The following CLSTN2 variants were observed in gnomAD, a reference collection of about 807,000 sequenced individuals.
The protein encoded by CLSTN2 is calsyntenin 2.
A neutral mutation model predicts 101.2 loss-of-function variants in CLSTN2; 48 were observed. The ratio of observed to expected loss-of-function variants is 0.47; its 90% CI spans 0.38 to 0.60. CLSTN2 has a LOEUF of 0.60. CLSTN2 is among the 20% of genes least tolerant of loss of function. The pLI is 0.00. For synonymous variants in CLSTN2, 481 were observed against 463.6 expected (o/e 1.04, Z -0.48); for missense variants, 1,160 against 1,238.2 (o/e 0.94, Z 0.95).
At chr3:140,267,704 T>C (rs1702436187) in intron 2 of CLSTN2, among the ~76,000 whole-genome samples, 1 of 152,086 alleles carries the variant, frequency 6.6e-6, no homozygotes, top group African/African-American at 2.4e-5. Flanking sequence ...TCTTTGAAAA[T>C]ACAAGGGGAA....
chr3:140,491,608 G>A (rs1934354003), intron 8 of CLSTN2, among the ~76,000 whole-genome samples: 1 of 152,204 alleles, frequency 6.6e-6, no homozygotes, highest in Admixed American at 6.5e-5. Flanking sequence ...GATTGCTTGA[G>A]TCCAGAAGTT....
At chr3:140,459,489 CCTGTTAT>C in intron 6 of CLSTN2, 25 bp from the exon 7 acceptor site, 1 of 1,610,878 alleles carries the variant, frequency 6.2e-7, no homozygotes, top group East Asian at 2.2e-5. Context: ...CGCATCATGA[CCTGTTAT>C]CCTTTCTTTC....
chr3:140,366,186 T>C (rs2087786834), intron 2 of CLSTN2, among the ~76,000 whole-genome samples: 1 of 152,192 alleles, frequency 6.6e-6, no homozygotes, highest in Admixed American at 6.5e-5. Flanking sequence ...GACAGTGTCC[T>C]TATCACCCCT....
intron 1 of CLSTN2, among the ~76,000 whole-genome samples, chr3:140,002,731 A>C (rs1177666561): frequency 6.6e-6 from 1 of 152,152 alleles, no homozygotes; most frequent in Non-Finnish European, 1.5e-5. Flanking sequence ...TTTTGATTTG[A>C]TTTTTGTATA....
chr3:140,467,988 G>A (rs1388087505), intron 8 of CLSTN2, among the ~76,000 whole-genome samples: 1 of 152,202 alleles, frequency 6.6e-6, no homozygotes, highest in African/African-American at 2.4e-5. Flanking sequence ...ACAAGATTAA[G>A]GATGCCAAGC....
chr3:140,236,548 C>A (rs909146716), intron 2 of CLSTN2, among the ~76,000 whole-genome samples: 2 of 152,140 alleles, frequency 1.3e-5, no homozygotes, highest in Admixed American at 6.5e-5. Context: ...ATAATTATTT[C>A]TTCAAGTGCT....
chr3:140,034,623 C>T (rs1180238381), intron 1 of CLSTN2, among the ~76,000 whole-genome samples: 1 of 152,202 alleles, frequency 6.6e-6, no homozygotes, highest in East Asian at 1.9e-4. Context: ...TTTGCCAGAG[C>T]ATCTTCTTCA....
intron 1 of CLSTN2, among the ~76,000 whole-genome samples, chr3:139,943,622 G>C (rs940786488): frequency 5.9e-5 from 9 of 152,184 alleles, no homozygotes; most frequent in African/African-American, 2.2e-4. Flanking sequence ...CCAGCACCTA[G>C]AATCTAATAT....
At chr3:140,540,613 C>T (rs1030264139) in intron 9 of CLSTN2, among the ~76,000 whole-genome samples, 2 of 151,584 alleles carry the variant, frequency 1.3e-5, no homozygotes, top group South Asian at 4.1e-4. Context: ...CAGCCATACA[C>T]AGAGCAGCAT....
intron 1 of CLSTN2, among the ~76,000 whole-genome samples, chr3:140,121,146 C>T (rs1431391055): frequency 6.6e-6 from 1 of 152,054 alleles, no homozygotes; most frequent in Admixed American, 6.5e-5. Context: ...ATATTACCAC[C>T]CCTGCGCTAG....
At chr3:140,135,113 C>CATATATATAT (rs1475480824) in intron 1 of CLSTN2, among the ~76,000 whole-genome samples, 9 of 52,076 alleles carry the variant, frequency 1.7e-4, no homozygotes, top group African/African-American at 1.1e-3. Flanking sequence ...CACACACACA[C>CATATATATAT]ACACATATAT....
chr3:140,565,000 G>T (rs1044367280), intron 16 of CLSTN2, among the ~76,000 whole-genome samples: 4 of 152,202 alleles, frequency 2.6e-5, no homozygotes, highest in Non-Finnish European at 4.4e-5. Flanking sequence ...AAGCCAGTGT[G>T]CTGATGTGGC....
chr3:139,952,030 T>G (rs1302047522), intron 1 of CLSTN2, among the ~76,000 whole-genome samples: 2 of 152,242 alleles, frequency 1.3e-5, no homozygotes, highest in Non-Finnish European at 2.9e-5. Context: ...CTGGATTGCC[T>G]AAGAGAGTTT....
intron 2 of CLSTN2, among the ~76,000 whole-genome samples, chr3:140,278,366 G>T (rs988521674): frequency 7.2e-5 from 11 of 151,974 alleles, no homozygotes; most frequent in African/African-American, 2.7e-4. Context: ...ACTTGAGCGA[G>T]CGGGTCCCCA....
intron 1 of CLSTN2, among the ~76,000 whole-genome samples, chr3:140,149,907 G>T (rs1020695543): frequency 3.9e-5 from 6 of 152,068 alleles, no homozygotes; most frequent in African/African-American, 1.4e-4. Flanking sequence ...CCTAGCTCTG[G>T]TATCATGTCT....
rs1045897392 is a variant in CLSTN2 at position 140,175,986 on chromosome 3, C to G, written c.145C>G (p.His49Asp). 6.2e-7 allele frequency: 1 copy of G among 1,612,648 alleles called. No individual in the cohort carries two copies. Among genetic ancestry groups the G allele is most frequent in the Non-Finnish European group, 8.5e-7 (1 of 1,178,770 alleles). ...KHKPWIETSYHGVITENNDTV... is the reference protein window; with the variant it reads ...KHKPWIETSYDGVITENNDTV... ...CAAGCCATGGATCGAGACTTCATATCATGGAGTCATAACTGAGAACAATGA... is the reference window on the plus strand; with the variant it reads ...CAAGCCATGGATCGAGACTTCATATGATGGAGTCATAACTGAGAACAATGA... Residue 49 changes from histidine to aspartate, a missense_variant, in exon 2 of 17, where the codon CAT (histidine) becomes GAT (aspartate). By Grantham distance (81) the His-to-Asp change is moderately conservative. Coordinates refer to ENST00000458420, the MANE Select transcript of CLSTN2 (RefSeq NM_022131.3).
intron 2 of CLSTN2, among the ~76,000 whole-genome samples, chr3:140,178,215 C>T (rs1172281533): frequency 1.3e-5 from 2 of 151,998 alleles, no homozygotes; most frequent in South Asian, 2.1e-4. Context: ...GTTATAAGCT[C>T]TCTAATGTAC....
chr3:140,546,152 G>A lies in CLSTN2; in HGVS notation c.1508-363G>A, dbSNP rs139891834. ...AATGCCACCACATCATTGCAGGCTT[G>A]TTCAGATGAAGTCCCTGACAGACTG... On this transcript the variant is annotated intron_variant, in intron 9 of 16. Transcript: ENST00000458420. Among the ~76,000 whole-genome samples the A allele has an allele frequency of 1.4e-3, 211 of 152,324 alleles. 4 individuals are homozygous for A. Among genetic ancestry groups the A allele is most frequent in the Admixed American group, 0.011 (166 of 15,304 alleles).
chr3:140,294,600 C>T (rs184504740), intron 2 of CLSTN2, among the ~76,000 whole-genome samples: 1 of 151,774 alleles, frequency 6.6e-6, no homozygotes, highest in African/African-American at 2.4e-5. Flanking sequence ...AACAGAAACT[C>T]CATGAGCCTA....
Sources: gnomAD v4.1 joint callset for allele counts (sites outside exome capture counted in the v4.1 genomes callset) on GRCh38, gnomAD v4.1.1 for gene constraint, MANE v1.5 for transcripts, NCBI Gene and HGNC (gene_info 2026-07-23, HGNC 2026-07-21) for gene names.